ROBO2: variants seen among roughly 807,000 people sequenced by gnomAD.
The protein encoded by ROBO2 is roundabout homolog 2.
Under a neutral mutation model 160.8 loss-of-function variants are expected in ROBO2, and 53 were observed. The observed-to-expected ratio is 0.33, with a 90% CI of 0.26 to 0.41. ROBO2 has a LOEUF of 0.41. ROBO2 is among the 10% of genes least tolerant of loss of function. ROBO2 has a pLI of 1.00. For synonymous variants in ROBO2, 664 were observed against 611.7 expected (o/e 1.09, Z -1.26); for missense variants, 1,577 against 1,722.4 (o/e 0.92, Z 1.49).
intron 2 of ROBO2, among the ~76,000 whole-genome samples, chr3:76,411,234 C>T (rs982165172): frequency 6.6e-6 from 1 of 151,972 alleles, no homozygotes; most frequent in Non-Finnish European, 1.5e-5. Context: ...TTTAATTCAA[C>T]AAACATATAT....
At chr3:76,625,375 G>C (rs888924153) in intron 2 of ROBO2, among the ~76,000 whole-genome samples, 1 of 152,022 alleles carries the variant, frequency 6.6e-6, no homozygotes, top group African/African-American at 2.4e-5. Flanking sequence ...AATATTGTGC[G>C]AGTTTCTATT....
intron 2 of ROBO2, among the ~76,000 whole-genome samples, chr3:77,399,158 G>C (rs78653305): frequency 6.6e-6 from 1 of 151,988 alleles, no homozygotes; most frequent in Non-Finnish European, 1.5e-5. Flanking sequence ...GAAAATACTT[G>C]GGGCAGTAAA....
At chr3:75,922,008 C>A (rs1329072986) in intron 1 of ROBO2, among the ~76,000 whole-genome samples, 1 of 152,048 alleles carries the variant, frequency 6.6e-6, no homozygotes, top group Non-Finnish European at 1.5e-5. Flanking sequence ...TTCCATCCAC[C>A]CTTTTACAGG....
chr3:77,147,456 C>T (rs1181907391), intron 2 of ROBO2, among the ~76,000 whole-genome samples: 1 of 152,100 alleles, frequency 6.6e-6, no homozygotes, highest in Non-Finnish European at 1.5e-5. Context: ...TAAGATTAAC[C>T]ATGGTCTCCA....
intron 2 of ROBO2, among the ~76,000 whole-genome samples, chr3:75,946,750 G>A (rs1238279837): frequency 6.6e-6 from 1 of 152,032 alleles, no homozygotes; most frequent in East Asian, 1.9e-4. Context: ...CAGTTTGGCT[G>A]GAATGTCCAT....
At chr3:77,599,973 C>G (rs2094399498) in intron 19 of ROBO2, among the ~76,000 whole-genome samples, 2 of 152,078 alleles carry the variant, frequency 1.3e-5, no homozygotes, top group Non-Finnish European at 2.9e-5. Context: ...AATGTGAGTA[C>G]AAGTATAACC....
intron 2 of ROBO2, among the ~76,000 whole-genome samples, chr3:76,108,908 T>C (rs2108220144): frequency 6.6e-6 from 1 of 151,526 alleles, no homozygotes; most frequent in South Asian, 2.1e-4. Context: ...AAATGTAATT[T>C]TATTAGATTA....
At chr3:77,012,488 G>A (rs536809832) in intron 2 of ROBO2, among the ~76,000 whole-genome samples, 7 of 152,276 alleles carry the variant, frequency 4.6e-5, no homozygotes, top group Admixed American at 3.3e-4. Context: ...TTAATCTCCT[G>A]GAAATAGTAT....
intron 2 of ROBO2, among the ~76,000 whole-genome samples, chr3:77,316,584 C>G (rs749278031): frequency 7.2e-5 from 11 of 152,136 alleles, no homozygotes; most frequent in Admixed American, 1.3e-4. Flanking sequence ...TGGGTTTCTT[C>G]TGTACCTCTG....
intron 2 of ROBO2, among the ~76,000 whole-genome samples, chr3:76,814,345 T>A (rs1270708113): frequency 6.6e-6 from 1 of 152,014 alleles, no homozygotes; most frequent in Non-Finnish European, 1.5e-5. Context: ...AAACTAAGAG[T>A]TACAACTATC....
At chr3:77,152,484 C>T (rs2077628328) in intron 2 of ROBO2, among the ~76,000 whole-genome samples, 1 of 152,198 alleles carries the variant, frequency 6.6e-6, no homozygotes, top group Non-Finnish European at 1.5e-5. Flanking sequence ...TCAACAGCCA[C>T]CGCTGACTGT....
chr3:77,565,910 T>C (rs1235865371), intron 12 of ROBO2, among the ~76,000 whole-genome samples: 2 of 152,092 alleles, frequency 1.3e-5, no homozygotes, highest in Non-Finnish European at 2.9e-5. Context: ...TAATATACAA[T>C]GCTACATTAT....
chr3:76,583,996 T>C (rs2085867325), intron 2 of ROBO2, among the ~76,000 whole-genome samples: 1 of 152,160 alleles, frequency 6.6e-6, no homozygotes, highest in Non-Finnish European at 1.5e-5. Context: ...CATTTCTTCA[T>C]CTGGGATAGC....
intron 2 of ROBO2, among the ~76,000 whole-genome samples, chr3:76,093,672 T>A: frequency 6.6e-6 from 1 of 151,602 alleles, no homozygotes; most frequent in Non-Finnish European, 1.5e-5. Context: ...CAGTTGAGCT[T>A]CATATCTAAA....
In ROBO2 at chr3:77,389,403, C is replaced by T. The variant is rs115989895; in HGVS notation, c.389-88011C>T. ...CCACATTTTAACTGTTCAGTAGCCC[C>T]ATGCGGGCTTGTGGCTACTTTATTA... On this transcript the variant is annotated intron_variant, in intron 2 of 25. Coordinates refer to ENST00000461745, the Ensembl canonical transcript of ROBO2. 4.0e-3 allele frequency among the ~76,000 whole-genome samples: 614 copies of T among 152,184 alleles called. 5 individuals are homozygous for T. Among genetic ancestry groups the T allele is most frequent in the African/African-American group, 0.014 (583 of 41,532 alleles).
At chr3:77,523,295 G>A (rs141554004) in intron 6 of ROBO2, among the ~76,000 whole-genome samples, 9 of 151,356 alleles carry the variant, frequency 5.9e-5, no homozygotes, top group African/African-American at 2.2e-4. Context: ...CTTTATACTA[G>A]TAGCATACTG....
intron 2 of ROBO2, among the ~76,000 whole-genome samples, chr3:76,315,342 C>T (rs1246734665): frequency 1.3e-5 from 2 of 152,172 alleles, no homozygotes; most frequent in Non-Finnish European, 2.9e-5. Flanking sequence ...TAATAAATTA[C>T]AGCAGCCAGT....
At chr3:77,183,011 T>G (rs2080935421) in intron 2 of ROBO2, among the ~76,000 whole-genome samples, 1 of 152,054 alleles carries the variant, frequency 6.6e-6, no homozygotes, top group African/African-American at 2.4e-5. Flanking sequence ...TTACTTGATT[T>G]TGTTCTCTGC....
At chr3:77,290,142 T>G (rs2061014464) in intron 2 of ROBO2, among the ~76,000 whole-genome samples, 6 of 151,508 alleles carry the variant, frequency 4.0e-5, no homozygotes, top group Admixed American at 3.9e-4. Flanking sequence ...AAATTGATGG[T>G]TAAACGGGTA....
Sources: gnomAD v4.1 joint callset for allele counts (sites outside exome capture counted in the v4.1 genomes callset) on GRCh38, gnomAD v4.1.1 for gene constraint, MANE v1.5 for transcripts, NCBI Gene and HGNC (gene_info 2026-07-23, HGNC 2026-07-21) for gene names.